The following DRD2 variants were observed in gnomAD, a reference collection of about 807,000 sequenced individuals.
DRD2 encodes dopamine receptor D2.
In DRD2, 8 loss-of-function variants were observed where a neutral mutation model predicts 38.0. The ratio of observed to expected loss-of-function variants is 0.21; its 90% CI spans 0.12 to 0.38. The LOEUF is 0.38. Among genes scored for constraint, DRD2 ranks in the 10% least tolerant of loss-of-function variants. The pLI is 1.00. For synonymous variants in DRD2, 230 were observed against 238.6 expected, an observed-to-expected ratio of 0.96 and a Z score of 0.33; for missense variants, 403 against 607.7, an observed-to-expected ratio of 0.66 and a Z score of 3.54.
Position 113,415,471 on chromosome 11 carries a change from T to A in DRD2, c.673A>T (p.Thr225Ser), listed in dbSNP as rs1399438354. Residue 225 changes from threonine (T) to serine (S), a missense_variant, in exon 5 of 8, where the codon ACC becomes TCC. Physicochemically the swap from Thr to Ser is moderately conservative, Grantham distance 58. Transcript: ENST00000362072. ...CTGAAAGCTCGGCTGCTGCGTTTGG[T>A]GTTGACTCGCTTGCGGCGTCTGCGG... ...VLRRRRKRVN[T>S]KRSSRAFRAH... 1 of 1,614,034 alleles carries A rather than the reference T, an allele frequency of 6.2e-7. No individual in the cohort carries two copies.
intron 1 of DRD2, among the ~76,000 whole-genome samples, chr11:113,473,341 T>A (rs1447812967): frequency 1.3e-5 from 2 of 152,200 alleles, no homozygotes; most frequent in African/African-American, 4.8e-5. Context: ...AAAATATAAA[T>A]TTCCTGGGCC....
At chr11:113,474,573 T>G (rs960242212) in intron 1 of DRD2, among the ~76,000 whole-genome samples, 6 of 152,134 alleles carry the variant, frequency 3.9e-5, no homozygotes, top group African/African-American at 1.4e-4. Context: ...CATCCTTAGC[T>G]TCTGCCTTAG....
At chr11:113,446,113 C>T (rs1951145838) in intron 1 of DRD2, among the ~76,000 whole-genome samples, 1 of 152,168 alleles carries the variant, frequency 6.6e-6, no homozygotes, top group African/African-American at 2.4e-5. Flanking sequence ...TCCTGGGACA[C>T]ATGGACCCCA....
chr11:113,456,571 T>A (rs545071397), intron 1 of DRD2, among the ~76,000 whole-genome samples: 3 of 152,258 alleles, frequency 2.0e-5, no homozygotes, highest in South Asian at 2.1e-4. Flanking sequence ...ACAATTTTTT[T>A]TAAAAAAAGA....
intron 2 of DRD2, among the ~76,000 whole-genome samples, chr11:113,421,737 T>C (rs911849777): frequency 6.6e-6 from 1 of 152,134 alleles, no homozygotes; most frequent in African/African-American, 2.4e-5. Flanking sequence ...GAGGGGACAG[T>C]GCGTGGTTGT....
chr11:113,421,375 G>A (rs1008663724), intron 2 of DRD2, among the ~76,000 whole-genome samples: 3 of 152,104 alleles, frequency 2.0e-5, no homozygotes, highest in Admixed American at 6.6e-5. Context: ...GTAAGACCTC[G>A]GAGTGCTCAG....
intron 5 of DRD2, 192 bp downstream of exon 5, chr11:113,415,229 C>T: frequency 1.8e-6 from 1 of 546,174 alleles, no homozygotes; most frequent in Non-Finnish European, 3.0e-6. Context: ...CTGCCTCCCT[C>T]TCCTGGAGAC....
At chr11:113,426,106 C>T (rs1355848275) in intron 1 of DRD2, among the ~76,000 whole-genome samples, 2 of 152,094 alleles carry the variant, frequency 1.3e-5, no homozygotes, top group East Asian at 1.9e-4. Flanking sequence ...ATAGTGGAAA[C>T]GAGGATGGAG....
chr11:113,414,548 C>T, intron 5 of DRD2, 87 bp from the exon 6 acceptor site: 1 of 1,378,152 alleles, frequency 7.3e-7, no homozygotes, highest in Non-Finnish European at 1.0e-6. Context: ...CCATGGAACT[C>T]AGACTGGGCA....
chr11:113,410,494 C>T lies in DRD2; in HGVS notation c.*233G>A. Reference sequence around the variant, plus strand: ...GGGGACTCTATGAGCTGCCCCTGAGCTGGGGGGCCCAGCCCCAGGGCTGGT... The same window carrying T: ...GGGGACTCTATGAGCTGCCCCTGAGTTGGGGGGCCCAGCCCCAGGGCTGGT... On this transcript the variant is annotated 3_prime_UTR_variant, in exon 8 of 8. Coordinates refer to ENST00000362072, the MANE Select transcript of DRD2 (RefSeq NM_000795.4). 1.7e-6 allele frequency: 1 copy of T among 605,432 alleles called. No individual in the cohort carries two copies. Among genetic ancestry groups the T allele is most frequent in the Non-Finnish European group, 2.9e-6 (1 of 339,066 alleles). The allele number at this position is 605,432 out of a possible 1,614,324, so 37.5% of individuals were successfully genotyped here.
At chr11:113,425,328 G>A (rs574745952) in intron 1 of DRD2, among the ~76,000 whole-genome samples, 1 of 152,280 alleles carries the variant, frequency 6.6e-6, no homozygotes, top group East Asian at 1.9e-4. Context: ...TAAAGAACTA[G>A]GAGTCAGCAG....
At chr11:113,428,879 G>C (rs1401397231) in intron 1 of DRD2, among the ~76,000 whole-genome samples, 2 of 152,126 alleles carry the variant, frequency 1.3e-5, no homozygotes, top group African/African-American at 2.4e-5. Context: ...CTCCTGCCTT[G>C]GCCTCCCAAA....
intron 1 of DRD2, among the ~76,000 whole-genome samples, chr11:113,431,052 C>A (rs1051054921): frequency 2.6e-5 from 4 of 152,178 alleles, no homozygotes; most frequent in Non-Finnish European, 5.9e-5. Context: ...GCTCACCACC[C>A]TCCAAATGTC....
At chr11:113,472,167 G>A (rs58113363) in intron 1 of DRD2, among the ~76,000 whole-genome samples, 2,625 of 152,318 alleles carry the variant, frequency 0.017, 84 homozygotes, top group African/African-American at 0.06. Context: ...GTGCATGCAC[G>A]TGTATGCAAA....
chr11:113,459,273 A>G (rs1951294574), intron 1 of DRD2, among the ~76,000 whole-genome samples: 1 of 152,244 alleles, frequency 6.6e-6, no homozygotes, highest in African/African-American at 2.4e-5. Flanking sequence ...GCAAGAAAGC[A>G]TCTGCTTGAA....
chr11:113,452,472 G>A (rs1250531072), intron 1 of DRD2, among the ~76,000 whole-genome samples: 7 of 56,750 alleles, frequency 1.2e-4, no homozygotes, highest in Non-Finnish European at 9.5e-5. Flanking sequence ...GTGTGTGTGC[G>A]CGCGCGCGCG....
chr11:113,437,904 G>A (rs1258058960), intron 1 of DRD2, among the ~76,000 whole-genome samples: 1 of 152,168 alleles, frequency 6.6e-6, no homozygotes, highest in Non-Finnish European at 1.5e-5. Flanking sequence ...GGCAACATGG[G>A]CACAACAGGG....
intron 1 of DRD2, among the ~76,000 whole-genome samples, chr11:113,431,109 A>G (rs1950982780): frequency 6.6e-6 from 1 of 152,238 alleles, no homozygotes; most frequent in Admixed American, 6.5e-5. Context: ...ATAAAAGCTT[A>G]CAAAACTCCA....
At chr11:113,433,701 G>A (rs950085877) in intron 1 of DRD2, among the ~76,000 whole-genome samples, 1 of 152,174 alleles carries the variant, frequency 6.6e-6, no homozygotes, top group Non-Finnish European at 1.5e-5. Context: ...TCTCTCCACT[G>A]GTGGTCTCTG....
Sources: gnomAD v4.1 joint callset for allele counts (sites outside exome capture counted in the v4.1 genomes callset) on GRCh38, gnomAD v4.1.1 for gene constraint, MANE v1.5 for transcripts, NCBI Gene and HGNC (gene_info 2026-07-23, HGNC 2026-07-21) for gene names.